Variants in KIAA1217 observed in about 807,000 individuals in gnomAD.
KIAA1217 encodes the protein KIAA1217, also known as sickle tail protein homolog.
Under a neutral mutation model 163.9 loss-of-function variants are expected in KIAA1217, and 88 were observed. The ratio of observed to expected loss-of-function variants is 0.54; its 90% CI spans 0.45 to 0.64. KIAA1217 has a LOEUF of 0.64. Among genes scored for constraint, KIAA1217 ranks in the 30% least tolerant of loss-of-function variants. The pLI is 0.00. For missense variants in KIAA1217, 2,372 were observed against 2,475.0 expected (o/e 0.96, Z 0.88); for synonymous variants, 903 against 923.1 (o/e 0.98, Z 0.39).
At chr10:23,909,576 G>A (rs1018753224) in intron 1 of KIAA1217, among the ~76,000 whole-genome samples, 14 of 152,000 alleles carry the variant, frequency 9.2e-5, no homozygotes, top group African/African-American at 2.9e-4. Context: ...AAAGCTAAGG[G>A]AATGATGGTT....
chr10:24,147,964 C>T lies in KIAA1217; in HGVS notation c.-170-71662C>T, dbSNP rs192333273. Among the ~76,000 whole-genome samples the T allele has an allele frequency of 2.7e-3, 409 of 150,598 alleles. 1 individual carries two copies. The highest frequency in any genetic ancestry group is 3.4e-3 in the Non-Finnish European group (231 of 67,708). On this transcript the variant is annotated intron_variant, in intron 2 of 18. Coordinates refer to the KIAA1217 transcript ENST00000376462. Reference sequence around the variant, plus strand: ...AAGATTCAAAATAAAAGCTATTACACTTAGTGCATGTATTACCAAACCACT... The same window carrying T: ...AAGATTCAAAATAAAAGCTATTACATTTAGTGCATGTATTACCAAACCACT...
chr10:23,726,660 A>C (rs1838155757), intron 1 of KIAA1217, among the ~76,000 whole-genome samples: 1 of 152,308 alleles, frequency 6.6e-6, no homozygotes, highest in Middle Eastern at 3.4e-3. Context: ...CTCATCTGAC[A>C]AAGGGCTAAT....
Position 23,964,294 on chromosome 10 carries a change from G to GTT in KIAA1217, c.-320-42919_-320-42918dup, listed in dbSNP as rs76227488. On this transcript the variant is annotated intron_variant, in intron 1 of 18. Transcript: ENST00000376462. ...CTTTTGCCCACTTTTTGATGGGGTT[G>GTT]TTTTTTTTTTTTTGTAAATTTGTTT... is the stretch of plus-strand genomic sequence containing the variant. Among the ~76,000 whole-genome samples, 30 of 140,410 alleles carry GTT rather than the reference G, an allele frequency of 2.1e-4. 1 individual carries two copies. The highest frequency in any genetic ancestry group is 2.1e-4 in the East Asian group (1 of 4,800). 92.1% of individuals were successfully genotyped at this position (140,410 alleles called of 152,430 possible).
intron 3 of KIAA1217, among the ~76,000 whole-genome samples, chr10:24,391,086 G>C (rs1350308495): frequency 6.6e-6 from 1 of 152,084 alleles, no homozygotes; most frequent in Non-Finnish European, 1.5e-5. Context: ...AGTTAATATG[G>C]ACCTGAGAGA....
In KIAA1217 at chr10:24,544,269, G is replaced by T. The variant is rs774700202; in HGVS notation, c.4999G>T (p.Asp1667Tyr). ...EIRKNTYRTL[D>Y]SLEQTIKQLE... ...TAGAAAAAACACCTACAGAACATTG[G>T]ATAGCCTGGAGCAGACCATTAAACA... Residue 1667 changes from aspartate to tyrosine, a missense_variant, in exon 19 of 21, where the codon GAT becomes TAT. Asp to Tyr is a radical substitution (Grantham distance 160). Coordinates refer to ENST00000376454, the MANE Select transcript of KIAA1217 (RefSeq NM_019590.5). The T allele has an allele frequency of 1.9e-6, 3 of 1,613,996 alleles. No homozygotes were observed. Among genetic ancestry groups the T allele is most frequent in the Non-Finnish European group, 2.5e-6 (3 of 1,180,034 alleles).
intron 3 of KIAA1217, among the ~76,000 whole-genome samples, chr10:24,409,455 A>C: frequency 6.6e-6 from 1 of 152,126 alleles, no homozygotes; most frequent in East Asian, 1.9e-4. Flanking sequence ...CAGGGGCTGG[A>C]GGAAGGGATT....
chr10:23,756,989 T>C (rs921484314), intron 1 of KIAA1217, among the ~76,000 whole-genome samples: 1 of 152,238 alleles, frequency 6.6e-6, no homozygotes. Context: ...TTTCTGTGGC[T>C]GACTTGTTTT....
intron 2 of KIAA1217, among the ~76,000 whole-genome samples, chr10:24,046,361 G>A (rs1006682107): frequency 4.6e-5 from 7 of 152,136 alleles, no homozygotes; most frequent in East Asian, 1.9e-4. Context: ...TAGTCCTATT[G>A]CTATTCCTAT....
At chr10:23,880,701 ATC>A (rs540849644) in intron 1 of KIAA1217, among the ~76,000 whole-genome samples, 184 of 152,128 alleles carry the variant, frequency 1.2e-3, no homozygotes, top group African/African-American at 4.4e-3. Flanking sequence ...GTATGAAAAT[ATC>A]TCTTTTAATC....
At chr10:24,502,920 G>A (rs1231836084) in intron 9 of KIAA1217, among the ~76,000 whole-genome samples, 1 of 152,178 alleles carries the variant, frequency 6.6e-6, no homozygotes, top group Non-Finnish European at 1.5e-5. Context: ...GTGGAAGGCA[G>A]AGGTTGCATG....
intron 2 of KIAA1217, among the ~76,000 whole-genome samples, chr10:24,265,806 T>C (rs1319915372): frequency 6.6e-6 from 1 of 152,044 alleles, no homozygotes; most frequent in Non-Finnish European, 1.5e-5. Flanking sequence ...TTAAAATAAA[T>C]AGTTACAAGG....
Position 24,438,478 on chromosome 10 carries a change from G to C in KIAA1217, c.845G>C (p.Arg282Thr), listed in dbSNP as rs2060237251. Residue 282 changes from arginine (R) to threonine (T), a missense_variant and splice_region_variant, in exon 5 of 21, where the codon AGG becomes ACG. By Grantham distance (71) the Arg-to-Thr change is moderately conservative. This residue lies in a region of KIAA1217 where 1,431 missense variants were observed against 1,470.3 expected (regional missense o/e 0.97). Coordinates refer to ENST00000376454, the MANE Select transcript of KIAA1217 (RefSeq NM_019590.5). ...HTPKTMNGDM[R>T]MQRELVYARG... ...CCAAAAACTATGAATGGAGACATGA[G>C]GGTAAGTGTTTCTGTCATATTTTTA... 1 of 1,600,502 alleles carries C rather than the reference G, an allele frequency of 6.2e-7. No homozygotes were observed. The highest frequency in any genetic ancestry group is 1.3e-5 in the African/African-American group (1 of 74,748).
intron 1 of KIAA1217, among the ~76,000 whole-genome samples, chr10:23,951,465 G>A (rs956651818): frequency 3.3e-5 from 5 of 152,104 alleles, no homozygotes; most frequent in Admixed American, 6.5e-5. Context: ...ACCAGCCTGG[G>A]CAACATGGCA....
chr10:24,481,296 G>A (rs1346898798), intron 6 of KIAA1217: 3 of 152,102 alleles, frequency 2.0e-5, no homozygotes, highest in Non-Finnish European at 4.4e-5. Flanking sequence ...AGGAAGCTTC[G>A]GAGTTACAAA....
upstream of KIAA1217, among the ~76,000 whole-genome samples, chr10:24,205,212 T>C (rs1235591788): frequency 6.6e-6 from 1 of 150,836 alleles, no homozygotes; most frequent in African/African-American, 2.4e-5. Context: ...GCGTGATTAC[T>C]TTGGGAAGCC....
chr10:23,857,661 T>C (rs1839756710), intron 1 of KIAA1217, among the ~76,000 whole-genome samples: 1 of 152,164 alleles, frequency 6.6e-6, no homozygotes, highest in Non-Finnish European at 1.5e-5. Flanking sequence ...TTTTGATGCA[T>C]AGCTAGTTAG....
intron 2 of KIAA1217, among the ~76,000 whole-genome samples, chr10:24,129,238 T>C (rs16924315): frequency 0.034 from 5,178 of 151,682 alleles, 298 homozygotes; most frequent in African/African-American, 0.12. Flanking sequence ...AGAGTCATTA[T>C]GTGGATTAGA....
chr10:23,859,800 T>G (rs980703981), intron 1 of KIAA1217, among the ~76,000 whole-genome samples: 2 of 152,140 alleles, frequency 1.3e-5, no homozygotes, highest in Non-Finnish European at 2.9e-5. Context: ...CTCATTAAAG[T>G]GTCACTGTGT....
intron 1 of KIAA1217, among the ~76,000 whole-genome samples, chr10:24,218,488 C>CT (rs60914810): frequency 5.5e-4 from 81 of 147,210 alleles, no homozygotes; most frequent in Admixed American, 6.8e-4. Flanking sequence ...TCGATTGTTA[C>CT]TTTTTTTTTT....
Sources: gnomAD v4.1 joint callset for allele counts (sites outside exome capture counted in the v4.1 genomes callset) on GRCh38, gnomAD v4.1.1 for gene constraint, gnomAD v4.1.1 regional missense constraint, MANE v1.5 for transcripts, NCBI Gene and HGNC (gene_info 2026-07-23, HGNC 2026-07-21) for gene names.